The following FOXO3 variants were observed in gnomAD, a reference collection of about 807,000 sequenced individuals.
FOXO3 encodes the protein forkhead box protein O3.
In FOXO3, 4 loss-of-function variants were observed where a neutral mutation model predicts 41.9. The ratio of observed to expected loss-of-function variants is 0.10; its 90% CI spans 0.05 to 0.22. The LOEUF (loss-of-function observed/expected upper bound fraction) is 0.22. Among genes scored for constraint, FOXO3 ranks in the 10% least tolerant of loss-of-function variants. The pLI is 1.00. For missense variants in FOXO3, 534 were observed against 906.8 expected (o/e 0.59, Z 5.28); for synonymous variants, 318 against 389.3 (o/e 0.82, Z 2.16).
rs965506310 is a variant in FOXO3 at position 108,561,425 on chromosome 6, G to T, written c.217G>T (p.Ala73Ser). The T allele has an allele frequency of 1.1e-5, 17 of 1,537,486 alleles. 1 individual carries two copies. In the African/African-American group the frequency reaches 2.2e-4, roughly 20 times the overall value. The change falls in exon 1 of 3, where the codon GCC becomes TCC. Residue 73 changes from alanine to serine, a missense_variant. Physicochemically the swap from Ala to Ser is moderately conservative, Grantham distance 99. Around this residue, in one of 8 missense-constraint regions of FOXO3, gnomAD observed 139 missense variants for 163.7 expected, o/e 0.85. Transcript: ENST00000406360. ...DEDDEDGGGR[A>S]GSAMAIGGGG... is the part of the protein sequence containing the mutation. ...AGACGACGAGGACGGCGGGGGACGG[G>T]CCGGCTCGGCCATGGCGATCGGCGG...
chr6:108,650,467 A>G (rs1218081058), intron 1 of FOXO3, among the ~76,000 whole-genome samples: 4 of 152,188 alleles, frequency 2.6e-5, no homozygotes, highest in African/African-American at 4.8e-5. Context: ...TTGCCAGTTA[A>G]TACTATTTCT....
Position 108,680,361 on chromosome 6 carries a change from A to G in FOXO3, c.*569A>G, listed in dbSNP as rs1275651429. ...GCGCATGGAACTCCATAAACTAACA[A>G]ATTACATAAACTAAAGGGGGATTTT... On this transcript the variant is annotated 3_prime_UTR_variant, in exon 3 of 3. Coordinates refer to ENST00000406360, the MANE Select transcript of FOXO3 (RefSeq NM_001455.4). The G allele has an allele frequency of 1.3e-5, 2 of 152,662 alleles. No homozygotes were observed. Among genetic ancestry groups the G allele is most frequent in the Non-Finnish European group, 2.9e-5 (2 of 68,050 alleles). The allele number at this position is 152,662 out of a possible 1,614,324, so 9.5% of individuals were successfully genotyped here.
chr6:108,672,445 C>T lies in FOXO3; in HGVS notation c.*35-7382C>T, dbSNP rs1425867595. Among the ~76,000 whole-genome samples the T allele has an allele frequency of 3.3e-5, 5 of 152,328 alleles. No homozygotes were observed. The East Asian group carries it at 9.6e-4, about 29-fold the overall frequency. On this transcript the variant is annotated intron_variant, in intron 2 of 2. Coordinates refer to ENST00000406360, the MANE Select transcript of FOXO3 (RefSeq NM_001455.4). ...AGCAGCCAGGCCAGGGACTAAAATA[C>T]ATCGCCCTGTAGAGCCACTGGACAC...
intron 1 of FOXO3, among the ~76,000 whole-genome samples, chr6:108,602,324 C>A (rs190368467): frequency 2.7e-4 from 41 of 152,250 alleles, no homozygotes; most frequent in Admixed American, 5.9e-4. Context: ...CATACCCTTG[C>A]CAACACAGAG....
At chr6:108,661,041 C>T (rs1040221021) in intron 1 of FOXO3, among the ~76,000 whole-genome samples, 2 of 152,002 alleles carry the variant, frequency 1.3e-5, no homozygotes, top group African/African-American at 2.4e-5. Context: ...ACCTGGGCAA[C>T]AGAGCGAGAC....
intron 1 of FOXO3, among the ~76,000 whole-genome samples, chr6:108,652,756 A>G (rs530011364): frequency 6.6e-6 from 1 of 152,316 alleles, no homozygotes; most frequent in East Asian, 1.9e-4. Context: ...GGTGAAGTAG[A>G]CTTGATTTGG....
intron 1 of FOXO3, among the ~76,000 whole-genome samples, chr6:108,659,887 A>G (rs1002307189): frequency 7.2e-5 from 11 of 152,242 alleles, no homozygotes; most frequent in Non-Finnish European, 1.3e-4. Context: ...TATGTGGGGC[A>G]TTTTGCAGTT....
At chr6:108,560,536 C>G (rs979475335), upstream of FOXO3, among the ~76,000 whole-genome samples, 6 of 152,162 alleles carry the variant, frequency 3.9e-5, no homozygotes, top group African/African-American at 1.2e-4. Context: ...GCTGCCCGCG[C>G]AGTCCCCGGG....
At chr6:108,614,917 C>G (rs1271097598) in intron 1 of FOXO3, among the ~76,000 whole-genome samples, 1 of 151,880 alleles carries the variant, frequency 6.6e-6, no homozygotes, top group Non-Finnish European at 1.5e-5. Context: ...CCACTCTTGG[C>G]TTATTAGGTA....
chr6:108,655,475 A>G (rs781035553), intron 1 of FOXO3, among the ~76,000 whole-genome samples: 5 of 152,188 alleles, frequency 3.3e-5, no homozygotes, highest in Non-Finnish European at 7.3e-5. Context: ...ATGGAAATAT[A>G]AGGAGGAAAG....
At chr6:108,662,125 C>CAAG (rs1778884347) in intron 1 of FOXO3, among the ~76,000 whole-genome samples, 1 of 152,102 alleles carries the variant, frequency 6.6e-6, no homozygotes, top group African/African-American at 2.4e-5. Flanking sequence ...TCTCCTTAGG[C>CAAG]TCTTCTAGGC....
At chr6:108,673,993 T>G (rs1047962743) in intron 2 of FOXO3, among the ~76,000 whole-genome samples, 1 of 152,226 alleles carries the variant, frequency 6.6e-6, no homozygotes, top group African/African-American at 2.4e-5. Context: ...TATGGTGGGA[T>G]GTACAGAAAG....
chr6:108,608,297 GCT>G (rs1268146972), intron 1 of FOXO3, among the ~76,000 whole-genome samples: 1 of 152,078 alleles, frequency 6.6e-6, no homozygotes, highest in Non-Finnish European at 1.5e-5. Context: ...ATTAAGTGAC[GCT>G]CTCACTTTAT....
In FOXO3 at chr6:108,682,810, G is replaced by C. The variant is rs1770917699; in HGVS notation, c.*3018G>C. 1 of 152,374 alleles carries C rather than the reference G, an allele frequency of 6.6e-6. No homozygotes were observed. Among genetic ancestry groups the C allele is most frequent in the African/African-American group, 2.4e-5 (1 of 41,454 alleles). 9.4% of individuals were successfully genotyped at this position (152,374 alleles called of 1,614,324 possible). A position where few individuals can be genotyped will look rare whatever the true frequency, so the allele number is the denominator to read the frequency against. On this transcript the variant is annotated 3_prime_UTR_variant, in exon 3 of 3. Coordinates refer to ENST00000406360, the MANE Select transcript of FOXO3 (RefSeq NM_001455.4). ...GCAGCTGTAATGTTTGATTTATGAT[G>C]AGAACTATCCGAGGCCACCCTTGGC...
At chr6:108,568,780 A>G (rs1042120864) in intron 1 of FOXO3, among the ~76,000 whole-genome samples, 1 of 152,142 alleles carries the variant, frequency 6.6e-6, no homozygotes, top group African/African-American at 2.4e-5. Flanking sequence ...TGTTGATGTG[A>G]TGTGGTGTAA....
intron 1 of FOXO3, among the ~76,000 whole-genome samples, chr6:108,593,566 T>C (rs1395707657): frequency 6.6e-6 from 1 of 151,522 alleles, no homozygotes; most frequent in Non-Finnish European, 1.5e-5. Flanking sequence ...GTAGTAGAGA[T>C]GGGGTTTCAC....
At chr6:108,669,249 G>C (rs1437366218) in intron 2 of FOXO3, among the ~76,000 whole-genome samples, 1 of 152,252 alleles carries the variant, frequency 6.6e-6, no homozygotes, top group Non-Finnish European at 1.5e-5. Context: ...GCAGGCTGCA[G>C]TATTGGAAGC....
At chr6:108,617,669 A>C (rs572561161) in intron 1 of FOXO3, among the ~76,000 whole-genome samples, 1 of 152,350 alleles carries the variant, frequency 6.6e-6, no homozygotes, top group South Asian at 2.1e-4. Context: ...AGAGCAAAAT[A>C]ACTTACTGGA....
intron 1 of FOXO3, among the ~76,000 whole-genome samples, chr6:108,573,344 T>C (rs559622178): frequency 7.2e-4 from 110 of 152,218 alleles, no homozygotes; most frequent in African/African-American, 2.1e-3. Context: ...TTAAAAAGTT[T>C]CTACTCTATG....
Sources: allele counts gnomAD v4.1 joint callset (sites outside exome capture counted in the v4.1 genomes callset), GRCh38; gene constraint gnomAD v4.1.1; regional missense constraint gnomAD v4.1.1; transcripts MANE v1.5; gene names NCBI Gene and HGNC (gene_info 2026-07-23, HGNC 2026-07-21).